The following ANK2 variants were observed in gnomAD, a reference collection of about 807,000 sequenced individuals.
ANK2 encodes the protein ankyrin-2.
Under a neutral mutation model 360.5 loss-of-function variants are expected in ANK2, and 83 were observed. The observed-to-expected ratio is 0.23, with a 90% CI of 0.19 to 0.28. The LOEUF (loss-of-function observed/expected upper bound fraction) is 0.28. Ranked by LOEUF, ANK2 falls within the 10% of genes least tolerant of loss-of-function variation. The pLI, the probability that ANK2 is intolerant of heterozygous loss-of-function variation, is 1.00. For synonymous variants in ANK2, 1,740 were observed against 1,759.5 expected, an observed-to-expected ratio of 0.99 and a Z score of 0.28; for missense variants, 4,201 against 4,795.7, an observed-to-expected ratio of 0.88 and a Z score of 3.66.
At chr4:112,958,968 C>T (rs916617794) in intron 2 of ANK2, among the ~76,000 whole-genome samples, 1 of 152,168 alleles carries the variant, frequency 6.6e-6, no homozygotes, top group Admixed American at 6.5e-5. Flanking sequence ...CCTGCCTCAG[C>T]CTCCTGAGTA....
chr4:112,893,363 A>G (rs767244810), intron 1 of ANK2, among the ~76,000 whole-genome samples: 6 of 151,998 alleles, frequency 3.9e-5, no homozygotes, highest in African/African-American at 1.5e-4. Context: ...AGGTTTCCCT[A>G]TGTTTCCTAG....
At chr4:113,196,558 C>G in intron 3 of ANK2, 92 bp downstream of exon 3, 1 of 1,177,748 alleles carries the variant, frequency 8.5e-7, no homozygotes, top group East Asian at 2.6e-5. Flanking sequence ...GACAAGGTCT[C>G]TTTCTGTTGC....
chr4:112,966,232 T>C (rs2037176174), intron 2 of ANK2, among the ~76,000 whole-genome samples: 1 of 151,692 alleles, frequency 6.6e-6, no homozygotes, highest in Non-Finnish European at 1.5e-5. Context: ...TTTGATTAAA[T>C]TGATATCTTC....
At chr4:112,811,772 T>C in the ANK2 span, among the ~76,000 whole-genome samples, 129 of 152,264 alleles carry the variant, frequency 8.5e-4, no homozygotes, top group African/African-American at 3.0e-3. Context: ...TTCGCCTTAT[T>C]AATTAGAGCT....
chr4:113,042,060 A>T (rs2063093402), intron 2 of ANK2, among the ~76,000 whole-genome samples: 2 of 152,190 alleles, frequency 1.3e-5, no homozygotes, highest in Admixed American at 6.6e-5. Context: ...TTCTTGGAAG[A>T]GATTAGCGTT....
the ANK2 span, among the ~76,000 whole-genome samples, chr4:112,759,559 C>G: frequency 6.6e-6 from 1 of 152,178 alleles, no homozygotes; most frequent in African/African-American, 2.4e-5. Context: ...CCTCTTTGCT[C>G]TGTTCCTTGG....
At chr4:113,141,703 G>A (rs1329127519) in intron 1 of ANK2, among the ~76,000 whole-genome samples, 1 of 152,090 alleles carries the variant, frequency 6.6e-6, no homozygotes, top group Non-Finnish European at 1.5e-5. Flanking sequence ...CTTCTCCAAG[G>A]TGTTAGTTTC....
At position 113,249,966 on chromosome 4, in the gene ANK2, T is replaced by C. The variant is rs1251881477; in HGVS notation, c.990+104T>C. The C allele has an allele frequency of 9.6e-6, 10 of 1,045,808 alleles. No individual in the cohort carries two copies. The East Asian group carries it at 2.6e-4, about 27-fold the overall frequency. 64.8% of individuals were successfully genotyped at this position (1,045,808 alleles called of 1,614,324 possible). A position where few individuals can be genotyped will look rare whatever the true frequency, so the allele number is the denominator to read the frequency against. On this transcript the variant is annotated intron_variant, in intron 10 of 45. Transcript: ENST00000357077. ...GAAACATCAGGCAAGCATTTTCTAG[T>C]TCTTTAATAATTGTGTGCTAGGAAT...
chr4:113,152,421 C>A (rs1562450508), intron 1 of ANK2: 1 of 152,084 alleles, frequency 6.6e-6, no homozygotes, highest in Non-Finnish European at 1.5e-5. Flanking sequence ...CCCCTTTAAT[C>A]AAAACTTATT....
chr4:113,100,992 T>C (rs2092735184), intron 1 of ANK2, among the ~76,000 whole-genome samples: 2 of 152,036 alleles, frequency 1.3e-5, no homozygotes, highest in African/African-American at 2.4e-5. Context: ...AAGTGATGAA[T>C]AGATGAAGCA....
chr4:112,820,146 A>AT lies in ANK2; in HGVS notation c.-40+1887dup, dbSNP rs2056586644. Among the ~76,000 whole-genome samples the AT allele has an allele frequency of 5.9e-5, 9 of 152,282 alleles. No homozygotes were observed. In the South Asian group the frequency reaches 1.9e-3, roughly 32 times the overall value. On this transcript the variant is annotated intron_variant, in intron 1 of 30. Coordinates refer to the ANK2 transcript ENST00000503271. ...GAAAAGAAATGGAAGAAAATTATCC[A>AT]TTTTTCCATCTCACTCACACAACTA...
At chr4:112,943,426 T>A (rs570220204) in intron 2 of ANK2, among the ~76,000 whole-genome samples, 1 of 151,958 alleles carries the variant, frequency 6.6e-6, no homozygotes, top group Non-Finnish European at 1.5e-5. Context: ...ATTGAACAAT[T>A]GCTGAAAAAA....
the ANK2 span, among the ~76,000 whole-genome samples, chr4:112,731,330 A>G: frequency 6.6e-6 from 1 of 151,894 alleles, no homozygotes; most frequent in African/African-American, 2.4e-5. Context: ...TATGTGAGGT[A>G]ATGAATAAGT....
intron 1 of ANK2, among the ~76,000 whole-genome samples, chr4:112,820,041 G>T (rs2056560965): frequency 6.6e-6 from 1 of 152,216 alleles, no homozygotes; most frequent in South Asian, 2.1e-4. Flanking sequence ...TTTCTCTGCA[G>T]ACACACATTT....
intron 1 of ANK2, among the ~76,000 whole-genome samples, chr4:113,136,838 C>A (rs567476087): frequency 4.0e-5 from 6 of 150,340 alleles, no homozygotes; most frequent in African/African-American, 1.2e-4. Flanking sequence ...CTTACTGCAA[C>A]CTCCGCCTCC....
chr4:113,235,835 G>A (rs888975547), intron 5 of ANK2, among the ~76,000 whole-genome samples: 20 of 151,996 alleles, frequency 1.3e-4, no homozygotes, highest in African/African-American at 4.3e-4. Context: ...TCTGCCTCCC[G>A]GGTTCACGCC....
rs981969958 is a variant in ANK2, at chr4:113,188,060, C to G, written c.187-8308C>G. 3.9e-5 allele frequency among the ~76,000 whole-genome samples: 6 copies of G among 152,130 alleles called. No individual in the cohort carries two copies. The East Asian group carries it at 9.6e-4, about 24-fold the overall frequency. ...CTTTAAAAGGAGACGATTGGGTCCT[C>G]AGATGATACATATGAAAATCAATTG... is the stretch of plus-strand genomic sequence containing the variant. On this transcript the variant is annotated intron_variant, in intron 2 of 45. Transcript: ENST00000357077.
the ANK2 span, chr4:112,797,612 CA>C: frequency 1.2e-5 from 2 of 162,526 alleles, no homozygotes; most frequent in Non-Finnish European, 2.9e-5. Flanking sequence ...ATACTGCCAC[CA>C]GTTGTTCTCC....
the ANK2 span, among the ~76,000 whole-genome samples, chr4:112,795,629 G>A: frequency 6.6e-6 from 1 of 151,872 alleles, no homozygotes. Context: ...TCAGCCTCCT[G>A]AGCAGCTGGG....
Sources: gnomAD v4.1 joint callset for allele counts (sites outside exome capture counted in the v4.1 genomes callset) on GRCh38, gnomAD v4.1.1 for gene constraint, MANE v1.5 for transcripts, NCBI Gene and HGNC (gene_info 2026-07-23, HGNC 2026-07-21) for gene names.